Variants in NUP210L observed in about 807,000 individuals in gnomAD.
NUP210L encodes the protein nucleoporin 210 like.
Under a neutral mutation model 208.5 loss-of-function variants are expected in NUP210L, and 74 were observed. That is an observed-to-expected ratio of 0.35 (90% confidence interval 0.29 to 0.43). The LOEUF is 0.43. Ranked by LOEUF, NUP210L falls within the 20% of genes least tolerant of loss-of-function variation. The pLI is 1.00. For synonymous variants in NUP210L, 780 were observed against 816.9 expected (o/e 0.95, Z 0.77); for missense variants, 1,843 against 2,289.4 (o/e 0.81, Z 3.98).
chr1:154,143,589 C>A lies in NUP210L; in HGVS notation c.341-12G>T, dbSNP rs757464960. ...CTCATGGTCAGTCACTACAATGAAC[C>A]CAAAAACTGAGTATTTAATTCAATA... On this transcript the variant is annotated splice_polypyrimidine_tract_variant and intron_variant, in intron 2 of 39. Coordinates refer to ENST00000368559, the Ensembl canonical transcript of NUP210L. 1.2e-6 allele frequency: 2 copies of A among 1,604,538 alleles called. No individual in the cohort carries two copies. The highest frequency in any genetic ancestry group is 1.7e-5 in the Admixed American group (1 of 57,968).
intron 17 of NUP210L, among the ~76,000 whole-genome samples, 163 bp downstream of exon 17, chr1:154,070,110 T>C (rs1654632566): frequency 6.6e-6 from 1 of 151,994 alleles, no homozygotes; most frequent in Non-Finnish European, 1.5e-5. Context: ...AAATGACAAA[T>C]TAATGGGTGC....
intron 2 of NUP210L, among the ~76,000 whole-genome samples, chr1:154,146,629 A>T (rs7540261): frequency 1.3e-5 from 1 of 78,020 alleles, no homozygotes; most frequent in Non-Finnish European, 2.6e-5. Flanking sequence ...TCCCCCCCCC[A>T]CCAAAAAAAG....
At chr1:154,133,919 G>A (rs1207990659) in intron 7 of NUP210L, among the ~76,000 whole-genome samples, 3 of 151,932 alleles carry the variant, frequency 2.0e-5, no homozygotes, top group African/African-American at 7.3e-5. Flanking sequence ...GAAGGCCGAA[G>A]TGGGTGGATC....
At chr1:153,992,791 A>G (rs757083444) in exon 40 of NUP210L, 1 of 1,329,648 alleles carries the variant, frequency 7.5e-7, no homozygotes, top group East Asian at 2.3e-5. Flanking sequence ...AGGACTAGAA[A>G]TCTTCATTCC....
At chr1:154,071,047 T>A (rs1450470041) in intron 16 of NUP210L, among the ~76,000 whole-genome samples, 1 of 151,946 alleles carries the variant, frequency 6.6e-6, no homozygotes, top group Non-Finnish European at 1.5e-5. Flanking sequence ...TTTCATGATA[T>A]TGAATTTTTT....
intron 34 of NUP210L, among the ~76,000 whole-genome samples, chr1:154,011,019 A>G (rs925944535): frequency 1.3e-5 from 2 of 152,138 alleles, no homozygotes; most frequent in Admixed American, 1.3e-4. Context: ...ACTTCATCAC[A>G]AGTGGTGCCT....
At chr1:154,110,971 T>TA (rs1467186176) in intron 12 of NUP210L, among the ~76,000 whole-genome samples, 1 of 138,690 alleles carries the variant, frequency 7.2e-6, no homozygotes, top group African/African-American at 2.8e-5. Context: ...ATAAATGAAA[T>TA]AAAAAAATAC....
chr1:154,141,167 A>G (rs557415454), intron 4 of NUP210L, among the ~76,000 whole-genome samples: 1 of 152,290 alleles, frequency 6.6e-6, no homozygotes, highest in East Asian at 1.9e-4. Flanking sequence ...AAGAATTTCC[A>G]GAAGATATAC....
chr1:154,081,954 C>A (rs1655354808), intron 16 of NUP210L, among the ~76,000 whole-genome samples: 1 of 152,144 alleles, frequency 6.6e-6, no homozygotes, highest in Non-Finnish European at 1.5e-5. Context: ...TGCACTCAGC[C>A]TGGGCAACAG....
intron 27 of NUP210L, among the ~76,000 whole-genome samples, chr1:154,035,097 C>T (rs1267794348): frequency 6.6e-6 from 1 of 152,140 alleles, no homozygotes; most frequent in African/African-American, 2.4e-5. Flanking sequence ...GCCTCGGCCT[C>T]CCAAAGTGCT....
intron 31 of NUP210L, 47 bp from the exon 32 acceptor site, chr1:154,022,390 T>A: frequency 6.7e-7 from 1 of 1,500,110 alleles, no homozygotes; most frequent in Non-Finnish European, 9.3e-7. Flanking sequence ...GAGACAATAG[T>A]TAGAAAATAG....
intron 10 of NUP210L, among the ~76,000 whole-genome samples, chr1:154,121,349 G>C (rs6671166): frequency 6.6e-6 from 1 of 151,744 alleles, no homozygotes; most frequent in East Asian, 1.9e-4. Context: ...CTAATATCAG[G>C]GAACCCAGAA....
intron 27 of NUP210L, among the ~76,000 whole-genome samples, chr1:154,042,162 C>T (rs1357789254): frequency 6.6e-6 from 1 of 151,206 alleles, no homozygotes; most frequent in African/African-American, 2.4e-5. Context: ...TGGAGTGGTG[C>T]GATCACAGCT....
Position 154,117,888 on chromosome 1 carries a change from AAC to A in NUP210L, c.1465-10_1465-9del, listed in dbSNP as rs1245742829. The A allele has an allele frequency of 4.4e-6, 7 of 1,584,310 alleles. No individual in the cohort carries two copies. Among genetic ancestry groups the A allele is most frequent in the African/African-American group, 1.4e-5 (1 of 73,972 alleles). On this transcript the variant is annotated splice_polypyrimidine_tract_variant and intron_variant, in intron 11 of 39. Coordinates refer to ENST00000368559, the Ensembl canonical transcript of NUP210L. ...GCCACTGCCACCCTCTACCTGTGAA[AAC>A]ACACATTACATTTAATTACAATCGG... is the stretch of plus-strand genomic sequence containing the variant.
rs559772021 is a variant in NUP210L at position 153,996,743 on chromosome 1, A to G, written c.5387-1563T>C. ...GCCAAAACTTTTTTTTAAGATCATC[A>G]GTGACCACTTAAATCCACAGTACCT... On this transcript the variant is annotated intron_variant, in intron 37 of 39. Transcript: ENST00000368559. Among the ~76,000 whole-genome samples the G allele has an allele frequency of 5.3e-5, 8 of 151,932 alleles. No individual in the cohort carries two copies. The South Asian group carries it at 1.7e-3, about 32-fold the overall frequency.
intron 14 of NUP210L, among the ~76,000 whole-genome samples, chr1:154,096,089 T>A (rs1656167551): frequency 6.6e-6 from 1 of 152,300 alleles, no homozygotes; most frequent in East Asian, 1.9e-4. Context: ...ATGCTATCCA[T>A]TCCCGAGGCC....
At chr1:154,113,169 T>A (rs201562085) in intron 12 of NUP210L, among the ~76,000 whole-genome samples, 2,553 of 118,626 alleles carry the variant, frequency 0.022, 34 homozygotes, top group Non-Finnish European at 0.03. Flanking sequence ...AAAAAAAAAA[T>A]ATATATATAT....
intron 27 of NUP210L, among the ~76,000 whole-genome samples, chr1:154,040,713 A>G (rs941683100): frequency 7.9e-5 from 12 of 151,830 alleles, no homozygotes; most frequent in Non-Finnish European, 1.8e-4. Flanking sequence ...CAGCCTCCCA[A>G]GTAGCTGGGA....
intron 17 of NUP210L, among the ~76,000 whole-genome samples, chr1:154,068,781 C>A (rs955622595): frequency 5.3e-5 from 8 of 151,104 alleles, no homozygotes; most frequent in African/African-American, 1.7e-4. Context: ...ACAATGAGAA[C>A]ACATGGACAC....
Sources: allele counts gnomAD v4.1 joint callset (sites outside exome capture counted in the v4.1 genomes callset), GRCh38; gene constraint gnomAD v4.1.1; transcripts MANE v1.5; gene names NCBI Gene and HGNC (gene_info 2026-07-23, HGNC 2026-07-21).